The following HEATR4 variants were observed in gnomAD, a reference collection of about 807,000 sequenced individuals.
HEATR4 encodes HEAT repeat-containing protein 4.
In HEATR4, 95 loss-of-function variants were observed where a neutral mutation model predicts 108.8. That is an observed-to-expected ratio of 0.87 (90% CI 0.74 to 1.04). The LOEUF is 1.04. Ranked by LOEUF, HEATR4 falls within the 50% of genes least tolerant of loss-of-function variation. The pLI, the probability that HEATR4 is intolerant of heterozygous loss-of-function variation, is 0.00. For synonymous variants in HEATR4, 443 were observed against 459.4 expected (o/e 0.96, Z 0.46); for missense variants, 1,152 against 1,253.8 (o/e 0.92, Z 1.23).
At chr14:73,480,330 A>G (rs1388509226) in intron 17 of HEATR4, among the ~76,000 whole-genome samples, 3 of 152,076 alleles carry the variant, frequency 2.0e-5, no homozygotes, top group Non-Finnish European at 4.4e-5. Flanking sequence ...AATCTCAGCT[A>G]CTCGGGAGGC....
intron 17 of HEATR4, chr14:73,491,834 G>T: frequency 6.2e-7 from 1 of 1,608,244 alleles, no homozygotes; most frequent in African/African-American, 1.3e-5. Flanking sequence ...CGGACGACGC[G>T]AGACCCTGAA....
At chr14:73,606,195 A>G in the HEATR4 span, among the ~76,000 whole-genome samples, 3 of 152,118 alleles carry the variant, frequency 2.0e-5, no homozygotes, top group Non-Finnish European at 2.9e-5. Context: ...CGTCTCTACT[A>G]AAAATACAAA....
rs59042606 is a variant in HEATR4, at chr14:73,498,260, C to T, written c.2441G>A (p.Arg814Gln). 9,843 of 1,613,982 alleles carry T rather than the reference C, an allele frequency of 6.1e-3. 532 individuals carry two copies. In the African/African-American group the frequency reaches 0.12, roughly 19 times the overall value. Reference sequence around the variant, plus strand: ...TAGGATGCTACGGCAAGCTTCCAGCCGTACACCTGGTGACTCTTCATAGTG... The same window carrying T: ...TAGGATGCTACGGCAAGCTTCCAGCTGTACACCTGGTGACTCTTCATAGTG... ...AIHYEESPGVRLEACRSILAL... is the reference protein window; with the variant it reads ...AIHYEESPGVQLEACRSILAL... The change falls in exon 14 of 18, where the codon CGG becomes CAG. Residue 814 changes from arginine (R) to glutamine (Q), a missense_variant. Physicochemically the swap from Arg to Gln is conservative, Grantham distance 43. Transcript: ENST00000553558.
intron 14 of HEATR4, 59 bp from the exon 15 acceptor site, chr14:73,496,738 G>T (rs1886131034): frequency 1.1e-6 from 1 of 937,846 alleles, no homozygotes. Flanking sequence ...AAAGTATGGG[G>T]GTAGAAAATA....
the HEATR4 span, chr14:73,567,587 G>A: frequency 1.3e-5 from 2 of 152,090 alleles, no homozygotes; most frequent in Non-Finnish European, 2.9e-5. Context: ...CCAAATAAGG[G>A]AATAAAAGCT....
the HEATR4 span, among the ~76,000 whole-genome samples, chr14:73,583,657 T>C: frequency 6.6e-6 from 1 of 151,980 alleles, no homozygotes; most frequent in Non-Finnish European, 1.5e-5. Flanking sequence ...AAGTGTTAAT[T>C]GAATGCAGGT....
chr14:73,586,298 G>A, the HEATR4 span, among the ~76,000 whole-genome samples: 1 of 152,038 alleles, frequency 6.6e-6, no homozygotes, highest in Admixed American at 6.6e-5. Flanking sequence ...GAAGGCTGAG[G>A]CAGGAGAATC....
chr14:73,521,662 A>G (rs1322323175), intron 3 of HEATR4, among the ~76,000 whole-genome samples: 1 of 152,232 alleles, frequency 6.6e-6, no homozygotes, highest in Non-Finnish European at 1.5e-5. Context: ...ATGAGATAGA[A>G]GCAATCTAAG....
rs775884852 is a variant in HEATR4 at position 73,492,395 on chromosome 14, G to T, written c.2844+671C>A. On this transcript the variant is annotated intron_variant, in intron 17 of 17. Coordinates refer to ENST00000553558, the MANE Select transcript of HEATR4 (RefSeq NM_001220484.1). The surrounding 1 kb of genome is among the most constrained non-coding windows in gnomAD (Gnocchi z 4.9). ...GAGGGGTCTGCCCCGAGACTTCATG[G>T]ATTACATGGGGGCCCAGCATTCAGA... 6.2e-7 allele frequency: 1 copy of T among 1,613,880 alleles called. No homozygotes were observed. Among genetic ancestry groups the T allele is most frequent in the Non-Finnish European group, 8.5e-7 (1 of 1,179,796 alleles).
the HEATR4 span, chr14:73,582,713 A>G: frequency 2.0e-5 from 3 of 152,044 alleles, no homozygotes; most frequent in African/African-American, 7.3e-5. Flanking sequence ...GACCACCCGG[A>G]ACATGCTTAC....
intron 17 of HEATR4, among the ~76,000 whole-genome samples, chr14:73,487,648 T>C (rs559998742): frequency 3.0e-4 from 45 of 152,292 alleles, no homozygotes; most frequent in African/African-American, 1.0e-3. Flanking sequence ...GTGTGCTAAA[T>C]GCAAGACGGG....
chr14:73,519,573 C>T (rs1263974080), intron 4 of HEATR4, among the ~76,000 whole-genome samples: 3 of 151,804 alleles, frequency 2.0e-5, no homozygotes, highest in Admixed American at 6.6e-5. Context: ...GTAAGACCCC[C>T]GTCTCTACAA....
At chr14:73,558,347 G>A (rs1195501212) in intron 1 of HEATR4, among the ~76,000 whole-genome samples, 27 of 131,194 alleles carry the variant, frequency 2.1e-4, no homozygotes, top group African/African-American at 7.3e-4. Context: ...CTATAAAGAT[G>A]ACCTGGTCTA....
chr14:73,612,812 C>CTGT, the HEATR4 span: 1 of 1,424,634 alleles, frequency 7.0e-7, no homozygotes, highest in Non-Finnish European at 9.3e-7. Context: ...CATGGGGCTG[C>CTGT]TGTGGGCGTT....
At chr14:73,487,759 C>A (rs8012614) in intron 17 of HEATR4, among the ~76,000 whole-genome samples, 91,188 of 152,058 alleles carry the variant, frequency 0.6, 28,571 homozygotes, top group East Asian at 0.86. Context: ...GTGAAAGAGT[C>A]AAAATTCTCT....
At position 73,527,692 on chromosome 14, in the gene HEATR4, T is replaced by A. The variant is rs138988311; in HGVS notation, c.-73+2474A>T. Among the ~76,000 whole-genome samples, 304 of 151,894 alleles carry A rather than the reference T, an allele frequency of 2.0e-3. 1 individual carries two copies. Among genetic ancestry groups the A allele is most frequent in the African/African-American group, 7.1e-3 (294 of 41,458 alleles). ...AGACAGGTTATATGAAAATACACAG[T>A]CAGGGCCAGGCAGGATGGCTCATGC... On this transcript the variant is annotated intron_variant, in intron 2 of 17. Coordinates refer to ENST00000553558, the MANE Select transcript of HEATR4 (RefSeq NM_001220484.1).
At chr14:73,523,326 G>A (rs556158046) in intron 2 of HEATR4, 102 bp from the exon 3 acceptor site, 6 of 607,000 alleles carry the variant, frequency 9.9e-6, no homozygotes, top group Middle Eastern at 8.9e-4. Flanking sequence ...AGATGGAAAG[G>A]GGGTGGGGAA....
chr14:73,487,714 G>C (rs1258809813), intron 17 of HEATR4, among the ~76,000 whole-genome samples: 1 of 152,188 alleles, frequency 6.6e-6, no homozygotes, highest in Non-Finnish European at 1.5e-5. Flanking sequence ...AATGTGACAA[G>C]AACATGAATT....
chr14:73,514,250 G>T lies in HEATR4; in HGVS notation c.1211-16C>A. On this transcript the variant is annotated splice_polypyrimidine_tract_variant and intron_variant, in intron 5 of 17. Coordinates refer to ENST00000553558, the MANE Select transcript of HEATR4 (RefSeq NM_001220484.1). Reference sequence around the variant, plus strand: ...GGTCTGTAAGCTGTGCAACGTGGCAGTGTGAGGTCTTTTCACCCCACTGCC... The same window carrying T: ...GGTCTGTAAGCTGTGCAACGTGGCATTGTGAGGTCTTTTCACCCCACTGCC... 1 of 1,610,386 alleles carries T rather than the reference G, an allele frequency of 6.2e-7. No homozygotes were observed. The highest frequency in any genetic ancestry group is 2.2e-5 in the East Asian group (1 of 44,802).
Sources: gnomAD v4.1 joint callset for allele counts (sites outside exome capture counted in the v4.1 genomes callset) on GRCh38, gnomAD v4.1.1 for gene constraint, Gnocchi (gnomAD v3.1) non-coding constraint, MANE v1.5 for transcripts, NCBI Gene and HGNC (gene_info 2026-07-23, HGNC 2026-07-21) for gene names.